The following KLC3 variants were observed in gnomAD, a reference collection of about 807,000 sequenced individuals.
The protein encoded by KLC3 is kinesin light chain 3.
In KLC3, 72 loss-of-function variants were observed where a neutral mutation model predicts 62.9. That is an observed-to-expected ratio of 1.15 (90% confidence interval 0.95 to 1.39). The LOEUF is 1.39. Among genes scored for constraint, KLC3 ranks in the 40% most tolerant of loss-of-function variants. The probability of loss-of-function intolerance (pLI) is 0.00; values close to 1 mark genes in which losing one functional copy is unlikely to be tolerated. For missense variants in KLC3, 848 were observed against 691.6 expected (o/e 1.23, Z -2.54); for synonymous variants, 377 against 300.5 (o/e 1.25, Z -2.63).
At position 45,349,315 on chromosome 19, in the gene KLC3, G is replaced by A. The variant is rs930522311; in HGVS notation, c.970-114G>A. ...GTGTCCCCAGCCCCCAACCTCTCAG[G>A]TCACTCTCTGCTTTGACCCTGTAAT... is the stretch of plus-strand genomic sequence containing the variant. On this transcript the variant is annotated intron_variant, in intron 7 of 12. Transcript: ENST00000391946. 14 of 1,093,076 alleles carry A rather than the reference G, an allele frequency of 1.3e-5. No individual in the cohort carries two copies. The African/African-American group carries it at 2.0e-4, about 16-fold the overall frequency. The allele number at this position is 1,093,076 out of a possible 1,614,324, so 67.7% of individuals were successfully genotyped here.
chr19:45,350,391 C>T lies in KLC3; in HGVS notation c.1194C>T (p.Tyr398=). Reference sequence around the variant, plus strand: ...AGTATCAACAAGCGGAAGAGCTGTACAAAGAAATCCTCCACAAGGAGGACC... The same window carrying T: ...AGTATCAACAAGCGGAAGAGCTGTATAAAGAAATCCTCCACAAGGAGGACC... ...QNKYQQAEEL[Y]KEILHKEDLP... is the part of the protein sequence containing the mutation. Residue 398 remains tyrosine, a synonymous_variant, in exon 9 of 13, where the codon TAC becomes TAT. Transcript: ENST00000391946. 1.2e-6 allele frequency: 2 copies of T among 1,613,834 alleles called. No homozygotes were observed. The highest frequency in any genetic ancestry group is 1.7e-6 in the Non-Finnish European group (2 of 1,179,948).
chr19:45,347,982 T>C lies in KLC3; in HGVS notation c.601T>C (p.Tyr201His), dbSNP rs746313732. The change falls in exon 5 of 13, where the codon TAT becomes CAT. Residue 201 changes from tyrosine to histidine, a missense_variant. Coordinates refer to ENST00000391946, the MANE Select transcript of KLC3 (RefSeq NM_177417.3). ...AGAAAAQQGGYEIPARLRTLH... is the reference protein window; with the variant it reads ...AGAAAAQQGGHEIPARLRTLH... ...AGCAGCAGCTGCTCAGCAGGGTGGCTATGAGATCCCTGCCCGCCTTCGGAC... is the reference window on the plus strand; with the variant it reads ...AGCAGCAGCTGCTCAGCAGGGTGGCCATGAGATCCCTGCCCGCCTTCGGAC... 1 of 1,609,346 alleles carries C rather than the reference T, an allele frequency of 6.2e-7. No individual in the cohort carries two copies. The highest frequency in any genetic ancestry group is 1.1e-5 in the South Asian group (1 of 89,836).
chr19:45,341,578 T>TGTGTGTGCGCGCGCGC lies in KLC3; in HGVS notation c.-9+733_-9+734insTGTGTGCGCGCGCGCG. ...TGGTGTGTGTGTGTGTGTGTGTGTG[T>TGTGTGTGCGCGCGCGC]GCGCGCGCGCGTGTGGTGGACAGTG... On this transcript the variant is annotated intron_variant, in intron 1 of 12. Coordinates refer to ENST00000391946, the MANE Select transcript of KLC3 (RefSeq NM_177417.3). Among the ~76,000 whole-genome samples the TGTGTGTGCGCGCGCGC allele has an allele frequency of 4.1e-3, 568 of 139,834 alleles. 2 individuals carry two copies. Among genetic ancestry groups the TGTGTGTGCGCGCGCGC allele is most frequent in the East Asian group, 7.3e-3 (35 of 4,814 alleles). The allele number at this position is 139,834 out of a possible 152,430, so 91.7% of individuals were successfully genotyped here.
Position 45,348,886 on chromosome 19 carries a change from C to G in KLC3, c.934C>G (p.Pro312Ala). ...GCGTGGGCGTTACCGGGAGGCAGAGCCCCTGTGCCAGCGCGCTTTGGAGAT... is the reference window on the plus strand; with the variant it reads ...GCGTGGGCGTTACCGGGAGGCAGAGGCCCTGTGCCAGCGCGCTTTGGAGAT... ...GKRGRYREAE[P>A]LCQRALEIRE... The change falls in exon 7 of 13, where the codon CCC (proline) becomes GCC (alanine). Residue 312 changes from proline (P) to alanine (A), a missense_variant. By Grantham distance (27) the Pro-to-Ala change is conservative. Transcript: ENST00000391946. 4 of 1,588,128 alleles carry G rather than the reference C, an allele frequency of 2.5e-6. No homozygotes were observed. The highest frequency in any genetic ancestry group is 3.4e-6 in the Non-Finnish European group (4 of 1,167,664).
In KLC3 at chr19:45,349,487, G is replaced by A. The variant is rs1479104374; in HGVS notation, c.1028G>A (p.Cys343Tyr). ...CAGCTCAACAACCTGGCCCTGCTGTGCCAGAACCAGGGCAAGTTTGAGGAC... is the reference window on the plus strand; with the variant it reads ...CAGCTCAACAACCTGGCCCTGCTGTACCAGAACCAGGGCAAGTTTGAGGAC... ...AKQLNNLALL[C>Y]QNQGKFEDVE... is the part of the protein sequence containing the mutation. The change falls in exon 8 of 13, where the codon TGC (cysteine) becomes TAC (tyrosine). Residue 343 changes from cysteine to tyrosine, a missense_variant. Transcript: ENST00000391946. 6.2e-7 allele frequency: 1 copy of A among 1,613,676 alleles called. No homozygotes were observed.
At chr19:45,348,206 C>A in intron 5 of KLC3, 46 bp downstream of exon 5, 7 of 1,499,046 alleles carry the variant, frequency 4.7e-6, no homozygotes, top group Non-Finnish European at 6.3e-6. Flanking sequence ...ACGGCAGGGA[C>A]CCATTGGGTG....
At position 45,351,451 on chromosome 19, in the gene KLC3, C is replaced by A. The variant is rs886420131; in HGVS notation, c.*94C>A. 5 of 1,583,494 alleles carry A rather than the reference C, an allele frequency of 3.2e-6. No individual in the cohort carries two copies. Among genetic ancestry groups the A allele is most frequent in the African/African-American group, 1.3e-5 (1 of 74,700 alleles). On this transcript the variant is annotated 3_prime_UTR_variant, in exon 13 of 13. Transcript: ENST00000391946. Reference sequence around the variant, plus strand: ...AGGGGGTCTATCATCTCCTGGCCCCCCCTTGCCTCTGGGTACCTGGTGGAT... The same window carrying A: ...AGGGGGTCTATCATCTCCTGGCCCCACCTTGCCTCTGGGTACCTGGTGGAT...
At chr19:45,344,362 C>T (rs560134369) in intron 1 of KLC3, among the ~76,000 whole-genome samples, 4 of 150,074 alleles carry the variant, frequency 2.7e-5, no homozygotes, top group South Asian at 2.1e-4. Context: ...TACAGGCATG[C>T]GCCACCATGC....
chr19:45,345,354 G>C, intron 1 of KLC3, 180 bp from the exon 2 acceptor site: 1 of 745,388 alleles, frequency 1.3e-6, no homozygotes. Context: ...GGCTGGGATG[G>C]GTGTGGAGAC....
intron 1 of KLC3, among the ~76,000 whole-genome samples, chr19:45,342,210 CTT>C (rs1397015179): frequency 6.6e-6 from 1 of 151,996 alleles, no homozygotes; most frequent in Non-Finnish European, 1.5e-5. Context: ...CAGGATGACT[CTT>C]GAACCTGTGT....
chr19:45,342,879 C>T (rs944861231), intron 1 of KLC3, among the ~76,000 whole-genome samples: 4 of 152,198 alleles, frequency 2.6e-5, no homozygotes, highest in East Asian at 1.9e-4. Flanking sequence ...GTGCACAAAA[C>T]GTACAGGACC....
intron 8 of KLC3, 89 bp downstream of exon 8, chr19:45,349,691 G>T: frequency 1.8e-6 from 2 of 1,105,922 alleles, no homozygotes; most frequent in Non-Finnish European, 2.5e-6. Context: ...TGAGCAACGT[G>T]AGGGTGGGGG....
At chr19:45,342,511 G>A (rs1971414644) in intron 1 of KLC3, among the ~76,000 whole-genome samples, 2 of 152,136 alleles carry the variant, frequency 1.3e-5, no homozygotes, top group Non-Finnish European at 2.9e-5. Context: ...TGTAATCCCA[G>A]CACTTTGGGA....
rs1971501621 is a variant in KLC3, at chr19:45,346,695, T to C, written c.410T>C (p.Val137Ala). 4 of 1,570,602 alleles carry C rather than the reference T, an allele frequency of 2.5e-6. No homozygotes were observed. Among genetic ancestry groups the C allele is most frequent in the Non-Finnish European group, 3.4e-6 (4 of 1,159,730 alleles). Reference sequence around the variant, plus strand: ...CGGCTTCGGGCCAGCGAGGAGTCCGTGGCCCAGCTGGAGGAGGAGAAGCGC... The same window carrying C: ...CGGCTTCGGGCCAGCGAGGAGTCCGCGGCCCAGCTGGAGGAGGAGAAGCGC... ...QRRLRASEES[V>A]AQLEEEKRHL... is the part of the protein sequence containing the mutation. Residue 137 changes from valine (V) to alanine (A), a missense_variant, in exon 3 of 13, where the codon GTG becomes GCG. Val to Ala is a moderately conservative substitution (Grantham distance 64). Transcript: ENST00000391946.
In KLC3 at chr19:45,350,434, G is replaced by GGGCCCCT; in HGVS notation, c.1234+3_1234+4insGGCCCCT. 1 of 1,613,770 alleles carries GGGCCCCT rather than the reference G, an allele frequency of 6.2e-7. No individual in the cohort carries two copies. The highest frequency in any genetic ancestry group is 8.5e-7 in the Non-Finnish European group (1 of 1,179,822). ...GGAGGACCTACCCGCCCCTCTCGGT[G>GGGCCCCT]AGCCCCTAGCCCCTGTCTGTCTTCC... On this transcript the variant is annotated splice_donor_region_variant and intron_variant, in intron 9 of 12. Coordinates refer to ENST00000391946, the MANE Select transcript of KLC3 (RefSeq NM_177417.3).
chr19:45,348,844 G>T lies in KLC3; in HGVS notation c.892G>T (p.Ala298Ser). 1 of 1,575,880 alleles carries T rather than the reference G, an allele frequency of 6.3e-7. No individual in the cohort carries two copies. Among genetic ancestry groups the T allele is most frequent in the Non-Finnish European group, 8.6e-7 (1 of 1,160,744 alleles). ...PAVAATLNNL[A>S]VLYGKRGRYR... ...GGTGGCCGCCACGCTCAACAACTTG[G>T]CTGTCCTCTATGGGAAGCGTGGGCG... is the stretch of plus-strand genomic sequence containing the variant. Residue 298 changes from alanine to serine, a missense_variant, in exon 7 of 13, where the codon GCT becomes TCT. Coordinates refer to ENST00000391946, the MANE Select transcript of KLC3 (RefSeq NM_177417.3).
intron 11 of KLC3, 103 bp from the exon 12 acceptor site, chr19:45,350,851 T>C: frequency 1.0e-6 from 1 of 998,208 alleles, no homozygotes; most frequent in Non-Finnish European, 1.4e-6. Context: ...GGCTCCCATC[T>C]CCCCTGTGAT....
At chr19:45,347,277 G>C in intron 3 of KLC3, 170 bp from the exon 4 acceptor site, 1 of 572,354 alleles carries the variant, frequency 1.7e-6, no homozygotes, top group Non-Finnish European at 3.1e-6. Context: ...AGGAGGTGGA[G>C]GTTGCTGTGA....
intron 3 of KLC3, chr19:45,347,211 A>T: frequency 2.0e-6 from 1 of 509,748 alleles, no homozygotes; most frequent in Admixed American, 3.5e-5. Flanking sequence ...GTGTGGTGGC[A>T]CATGCCTGTA....
Sources: gnomAD v4.1 joint callset for allele counts (sites outside exome capture counted in the v4.1 genomes callset) on GRCh38, gnomAD v4.1.1 for gene constraint, MANE v1.5 for transcripts, NCBI Gene and HGNC (gene_info 2026-07-23, HGNC 2026-07-21) for gene names.